GRM7: variants seen among roughly 807,000 people sequenced by gnomAD.
GRM7 encodes glutamate metabotropic receptor 7.
GRM7 carries 35 observed loss-of-function variants against 84.5 expected under a neutral mutation model. The ratio of observed to expected loss-of-function variants is 0.41; its 90% CI spans 0.32 to 0.55. GRM7 has a LOEUF of 0.55. GRM7 is among the 20% of genes least tolerant of loss of function. The pLI is 0.19. For synonymous variants in GRM7, 487 were observed against 455.1 expected, an observed-to-expected ratio of 1.07 and a Z score of -0.89; for missense variants, 1,003 against 1,194.6, an observed-to-expected ratio of 0.84 and a Z score of 2.36.
chr3:7,469,298 A>G (rs556168975), intron 7 of GRM7, among the ~76,000 whole-genome samples: 2 of 152,328 alleles, frequency 1.3e-5, no homozygotes, highest in African/African-American at 2.4e-5. Context: ...GGGTTCCCTA[A>G]GTGCTCTGTA....
At chr3:7,324,186 G>A (rs1414218547) in intron 4 of GRM7, among the ~76,000 whole-genome samples, 2 of 152,118 alleles carry the variant, frequency 1.3e-5, no homozygotes, top group Non-Finnish European at 2.9e-5. Context: ...AGGCAATGGT[G>A]GTCAGCATCA....
At chr3:6,901,321 T>C (rs1696372243) in intron 1 of GRM7, among the ~76,000 whole-genome samples, 1 of 152,118 alleles carries the variant, frequency 6.6e-6, no homozygotes, top group Non-Finnish European at 1.5e-5. Context: ...TTATGTAGGC[T>C]GGGCGCAGTG....
intron 1 of GRM7, among the ~76,000 whole-genome samples, chr3:6,878,999 T>C (rs1409144811): frequency 6.6e-6 from 1 of 152,186 alleles, no homozygotes; most frequent in Non-Finnish European, 1.5e-5. Context: ...TCATGAAAGA[T>C]GAGTTTACAG....
At chr3:7,306,411 T>A in intron 3 of GRM7, 87 bp from the exon 4 acceptor site, 1 of 1,126,858 alleles carries the variant, frequency 8.9e-7, no homozygotes, top group Non-Finnish European at 1.3e-6. Flanking sequence ...GGAAGAATAG[T>A]ACCTTTCCTT....
intron 2 of GRM7, among the ~76,000 whole-genome samples, chr3:7,261,777 C>T (rs917855633): frequency 6.6e-6 from 1 of 152,084 alleles, no homozygotes; most frequent in East Asian, 1.9e-4. Flanking sequence ...TCTTGCAAGG[C>T]AAGTATGATG....
chr3:7,571,213 C>A (rs1050686355), intron 7 of GRM7, among the ~76,000 whole-genome samples: 16 of 152,158 alleles, frequency 1.1e-4, no homozygotes, highest in African/African-American at 3.9e-4. Flanking sequence ...TTTGGCTCCT[C>A]ATTACTTATG....
intron 8 of GRM7, among the ~76,000 whole-genome samples, chr3:7,581,554 T>C (rs1400178898): frequency 6.6e-6 from 1 of 152,186 alleles, no homozygotes; most frequent in East Asian, 1.9e-4. Context: ...CTATAGCATT[T>C]AAAATGTGGA....
chr3:6,865,737 A>T (rs1409400863), intron 1 of GRM7, among the ~76,000 whole-genome samples: 2 of 152,174 alleles, frequency 1.3e-5, no homozygotes, highest in Non-Finnish European at 2.9e-5. Flanking sequence ...ATAATATTTT[A>T]TACAGAAATA....
rs571594173 is a variant in GRM7, at chr3:7,047,740, A to G, written c.520-98712A>G. 1.1e-4 allele frequency among the ~76,000 whole-genome samples: 17 copies of G among 152,218 alleles called. 1 individual carries two copies. In the South Asian group the frequency reaches 3.5e-3, roughly 32 times the overall value. On this transcript the variant is annotated intron_variant, in intron 1 of 9. Transcript: ENST00000357716. ...AGTAACAGGAAGACCTCGATAGAAC[A>G]TTCACTCATTGTTTAATGCAAATCC... is the stretch of plus-strand genomic sequence containing the variant.
chr3:7,459,940 A>G (rs1182001479), intron 6 of GRM7, among the ~76,000 whole-genome samples: 1 of 151,938 alleles, frequency 6.6e-6, no homozygotes, highest in Admixed American at 6.6e-5. Flanking sequence ...TCTAGAACCC[A>G]AAAACAGGAA....
intron 1 of GRM7, among the ~76,000 whole-genome samples, chr3:6,972,412 A>G (rs1181773142): frequency 6.6e-6 from 1 of 152,208 alleles, no homozygotes; most frequent in Non-Finnish European, 1.5e-5. Flanking sequence ...AAAGGACGAG[A>G]AAATGTCTTT....
intron 1 of GRM7, among the ~76,000 whole-genome samples, chr3:7,048,285 G>C (rs1035598491): frequency 1.3e-5 from 2 of 151,936 alleles, no homozygotes; most frequent in Non-Finnish European, 2.9e-5. Context: ...GTTACCATCT[G>C]ACATTGGGGA....
intron 3 of GRM7, among the ~76,000 whole-genome samples, chr3:7,299,929 A>G (rs1000386564): frequency 6.6e-6 from 1 of 151,998 alleles, no homozygotes; most frequent in African/African-American, 2.4e-5. Context: ...TTAATCTACA[A>G]TGTGTTATGC....
chr3:6,874,049 A>G (rs1024963495), intron 1 of GRM7, among the ~76,000 whole-genome samples: 1 of 152,228 alleles, frequency 6.6e-6, no homozygotes, highest in African/African-American at 2.4e-5. Flanking sequence ...GCACATACTG[A>G]CGGGGAACTT....
chr3:7,521,257 T>G (rs1700581965), intron 7 of GRM7, among the ~76,000 whole-genome samples: 1 of 152,180 alleles, frequency 6.6e-6, no homozygotes, highest in African/African-American at 2.4e-5. Flanking sequence ...TCCCCTAGCC[T>G]TGGTGCATGG....
At chr3:6,934,088 A>G (rs1160912814) in intron 1 of GRM7, among the ~76,000 whole-genome samples, 8 of 152,182 alleles carry the variant, frequency 5.3e-5, no homozygotes, top group Admixed American at 5.2e-4. Flanking sequence ...CACATCTGCC[A>G]GTATACACCA....
intron 5 of GRM7, among the ~76,000 whole-genome samples, chr3:7,446,107 G>A (rs1426994448): frequency 6.6e-6 from 1 of 152,144 alleles, no homozygotes; most frequent in Non-Finnish European, 1.5e-5. Context: ...TTACTACTCA[G>A]GACTTCAGCC....
intron 7 of GRM7, among the ~76,000 whole-genome samples, chr3:7,551,609 TTATA>T (rs947961772): frequency 3.3e-5 from 5 of 149,894 alleles, no homozygotes; most frequent in African/African-American, 7.3e-5. Context: ...ATATATAAAA[TTATA>T]TATATTTTTA....
chr3:7,609,707 A>C (rs759881556), intron 8 of GRM7, among the ~76,000 whole-genome samples: 1 of 152,218 alleles, frequency 6.6e-6, no homozygotes, highest in Non-Finnish European at 1.5e-5. Flanking sequence ...GGATGAAATC[A>C]TCACCTAGAG....
Sources: allele counts gnomAD v4.1 joint callset (sites outside exome capture counted in the v4.1 genomes callset), GRCh38; gene constraint gnomAD v4.1.1; transcripts MANE v1.5; gene names NCBI Gene and HGNC (gene_info 2026-07-23, HGNC 2026-07-21).